Variants in CDYL2 observed in about 807,000 individuals in gnomAD.
The protein encoded by CDYL2 is chromodomain Y like 2.
In CDYL2, 23 loss-of-function variants were observed where a neutral mutation model predicts 49.4. The ratio of observed to expected loss-of-function variants is 0.47; its 90% CI spans 0.34 to 0.66. The LOEUF (loss-of-function observed/expected upper bound fraction) is 0.66. Ranked by LOEUF, CDYL2 falls within the 30% of genes least tolerant of loss-of-function variation. CDYL2 has a pLI of 0.01. For missense variants in CDYL2, 678 were observed against 656.4 expected, an observed-to-expected ratio of 1.03 and a Z score of -0.36; for synonymous variants, 360 against 268.8, an observed-to-expected ratio of 1.34 and a Z score of -3.32.
At position 80,724,237 on chromosome 16, in the gene CDYL2, AAG is replaced by A. The variant is rs1159771237; in HGVS notation, c.25-39110_25-39109del. ...AAGAAAGAGGAAGAGGAGGGGGAGA[AAG>A]AGGAAGAAGATGAGGAGAAAGAGGA... On this transcript the variant is annotated intron_variant, in intron 1 of 6. Transcript: ENST00000570137. 3.4e-5 allele frequency among the ~76,000 whole-genome samples: 5 copies of A among 149,032 alleles called. No individual in the cohort carries two copies. In the East Asian group the frequency reaches 1.0e-3, roughly 30 times the overall value.
chr16:80,777,936 G>C (rs7197932), intron 1 of CDYL2, among the ~76,000 whole-genome samples: 10,668 of 151,412 alleles, frequency 0.07, 445 homozygotes, highest in African/African-American at 0.12. Context: ...CACAGCTGCT[G>C]GCTGAAACTT....
intron 2 of CDYL2, among the ~76,000 whole-genome samples, chr16:80,643,069 A>G (rs939354574): frequency 6.6e-6 from 1 of 152,212 alleles, no homozygotes; most frequent in Non-Finnish European, 1.5e-5. Context: ...AGCCTGTAAA[A>G]TCAAAAGCAA....
chr16:80,744,863 C>T (rs1452489278), intron 1 of CDYL2, among the ~76,000 whole-genome samples: 1 of 152,148 alleles, frequency 6.6e-6, no homozygotes, highest in East Asian at 1.9e-4. Flanking sequence ...GGATCCCCAC[C>T]CACAGTCCTC....
At chr16:80,718,951 T>C (rs186441237) in intron 1 of CDYL2, among the ~76,000 whole-genome samples, 13 of 152,234 alleles carry the variant, frequency 8.5e-5, no homozygotes, top group Admixed American at 7.8e-4. Context: ...GGAAACCAGA[T>C]AGAATTGTTC....
intron 2 of CDYL2, among the ~76,000 whole-genome samples, chr16:80,642,448 A>T (rs900400562): frequency 1.3e-5 from 2 of 152,198 alleles, no homozygotes; most frequent in African/African-American, 4.8e-5. Flanking sequence ...ATCTAAAAAA[A>T]ATTATATATT....
At chr16:80,756,933 T>A (rs565899626) in intron 1 of CDYL2, among the ~76,000 whole-genome samples, 2 of 151,792 alleles carry the variant, frequency 1.3e-5, no homozygotes, top group Non-Finnish European at 2.9e-5. Context: ...TTTTAAAAAA[T>A]AGTCAACTAA....
intron 1 of CDYL2, among the ~76,000 whole-genome samples, chr16:80,719,763 T>C (rs1414948555): frequency 1.3e-5 from 2 of 152,182 alleles, no homozygotes; most frequent in South Asian, 4.1e-4. Context: ...CTTCACACTA[T>C]GTAGTCATGA....
At chr16:80,668,137 T>C (rs1024518317) in intron 2 of CDYL2, among the ~76,000 whole-genome samples, 1 of 152,208 alleles carries the variant, frequency 6.6e-6, no homozygotes, top group South Asian at 2.1e-4. Flanking sequence ...AGAGGAACAG[T>C]TAAGTCCCTG....
chr16:80,716,352 A>T lies in CDYL2; in HGVS notation c.25-31223T>A, dbSNP rs150795124. ...GGTTTTGCTCACACTATATGCCAAG[A>T]CTTACCACAGCTCCTGACATACTGG... On this transcript the variant is annotated intron_variant, in intron 1 of 6. Transcript: ENST00000570137. Among the ~76,000 whole-genome samples the T allele has an allele frequency of 1.7e-4, 26 of 152,324 alleles. No homozygotes were observed. The East Asian group carries it at 4.6e-3, about 27-fold the overall frequency.
intron 2 of CDYL2, among the ~76,000 whole-genome samples, chr16:80,645,513 AG>A (rs1304565589): frequency 6.6e-6 from 1 of 152,184 alleles, no homozygotes; most frequent in Non-Finnish European, 1.5e-5. Flanking sequence ...GTGGAGAAAT[AG>A]GAACACTTTT....
chr16:80,678,502 C>T (rs1349741912), intron 2 of CDYL2, among the ~76,000 whole-genome samples: 1 of 152,116 alleles, frequency 6.6e-6, no homozygotes, highest in Non-Finnish European at 1.5e-5. Flanking sequence ...CCAAAAGACA[C>T]ATGAAAAAAT....
At chr16:80,743,993 C>T (rs569723203) in intron 1 of CDYL2, among the ~76,000 whole-genome samples, 17 of 152,276 alleles carry the variant, frequency 1.1e-4, no homozygotes, top group African/African-American at 4.1e-4. Context: ...AACCTCCCTA[C>T]TGGAGTGAGT....
At chr16:80,738,971 G>A (rs1033726472) in intron 1 of CDYL2, among the ~76,000 whole-genome samples, 8 of 152,212 alleles carry the variant, frequency 5.3e-5, no homozygotes, top group Non-Finnish European at 4.4e-5. Context: ...GATCAGAGGA[G>A]TATTTCACAA....
At position 80,680,917 on chromosome 16, in the gene CDYL2, G is replaced by A. The variant is rs574026437; in HGVS notation, c.616+3621C>T. Among the ~76,000 whole-genome samples, 18 of 152,158 alleles carry A rather than the reference G, an allele frequency of 1.2e-4. No homozygotes were observed. In the South Asian group the frequency reaches 3.5e-3, roughly 30 times the overall value. The stretch of plus-strand genomic sequence containing the variant: ...TTTAACAAGCTCCCCAAGAGATACT[G>A]AGGCAGATGGGCCCCGGACCACAAA... On this transcript the variant is annotated intron_variant, in intron 2 of 6. Coordinates refer to ENST00000570137, the MANE Select transcript of CDYL2 (RefSeq NM_152342.4).
intron 1 of CDYL2, among the ~76,000 whole-genome samples, chr16:80,756,609 G>A (rs1305746952): frequency 6.6e-6 from 1 of 151,960 alleles, no homozygotes; most frequent in Non-Finnish European, 1.5e-5. Flanking sequence ...ATTATAAAAT[G>A]TTTCAGACGA....
intron 1 of CDYL2, among the ~76,000 whole-genome samples, chr16:80,696,869 C>A (rs975720684): frequency 1.3e-5 from 2 of 152,144 alleles, no homozygotes; most frequent in African/African-American, 4.8e-5. Context: ...TGGTGTCATG[C>A]ACTTAGAGAC....
intron 1 of CDYL2, among the ~76,000 whole-genome samples, chr16:80,718,478 G>C (rs534838551): frequency 2.0e-5 from 3 of 152,170 alleles, no homozygotes; most frequent in Admixed American, 2.0e-4. Flanking sequence ...CTCACCCTAA[G>C]AGCCAAAAGT....
At chr16:80,767,738 T>G (rs1455734889) in intron 1 of CDYL2, among the ~76,000 whole-genome samples, 1 of 152,182 alleles carries the variant, frequency 6.6e-6, no homozygotes, top group African/African-American at 2.4e-5. Context: ...AAATGCCAGC[T>G]TGTGGCAGAG....
rs149898664 is a variant in CDYL2 at position 80,712,816 on chromosome 16, A to G, written c.25-27687T>C. 5.9e-3 allele frequency among the ~76,000 whole-genome samples: 905 copies of G among 152,250 alleles called. 6 individuals are homozygous for G. Among genetic ancestry groups the G allele is most frequent in the African/African-American group, 0.02 (846 of 41,532 alleles). ...TAAGATATCTGCTTCCTTTCATCTGATGTATGTAAGATGCATGACCGGCTC... is the reference window on the plus strand; with the variant it reads ...TAAGATATCTGCTTCCTTTCATCTGGTGTATGTAAGATGCATGACCGGCTC... On this transcript the variant is annotated intron_variant, in intron 1 of 6. Transcript: ENST00000570137.
Sources: allele counts gnomAD v4.1 joint callset (sites outside exome capture counted in the v4.1 genomes callset), GRCh38; gene constraint gnomAD v4.1.1; transcripts MANE v1.5; gene names NCBI Gene and HGNC (gene_info 2026-07-23, HGNC 2026-07-21).